The following ABLIM1 variants were observed in gnomAD, a reference collection of about 807,000 sequenced individuals.
ABLIM1 encodes actin binding LIM protein 1, also known as actin-binding LIM protein 1.
In ABLIM1, 40 loss-of-function variants were observed where a neutral mutation model predicts 107.0. The ratio of observed to expected loss-of-function variants is 0.37; its 90% confidence interval spans 0.29 to 0.49. The LOEUF is 0.49. Ranked by LOEUF, ABLIM1 falls within the 20% of genes least tolerant of loss-of-function variation. The pLI is 0.97. For synonymous variants in ABLIM1, 357 were observed against 357.3 expected (o/e 1.00, Z 0.01); for missense variants, 857 against 1,008.5 (o/e 0.85, Z 2.04).
rs551822085 is a variant in ABLIM1 at position 114,527,586 on chromosome 10, C to A, written c.894+17419G>T. On this transcript the variant is annotated intron_variant, in intron 6 of 22. Coordinates refer to ENST00000533213, the MANE Select transcript of ABLIM1 (RefSeq NM_002313.7). ...AACAGAGAGGAGGAACTGGAAGTTT[C>A]TCCAGTGATGGCACAGCCCTTTTAA... Among the ~76,000 whole-genome samples, 122 of 151,986 alleles carry A rather than the reference C, an allele frequency of 8.0e-4. 1 individual carries two copies. Among genetic ancestry groups the A allele is most frequent in the Middle Eastern group, 3.4e-3 (1 of 292 alleles).
chr10:114,535,701 A>C (rs2137118798), intron 6 of ABLIM1, among the ~76,000 whole-genome samples: 2 of 152,324 alleles, frequency 1.3e-5, no homozygotes, highest in African/African-American at 4.8e-5. Context: ...GTGTATGTGA[A>C]ATTGAGAGAT....
At chr10:114,548,094 T>C (rs191151604) in intron 4 of ABLIM1, among the ~76,000 whole-genome samples, 188 of 152,346 alleles carry the variant, frequency 1.2e-3, no homozygotes, top group Admixed American at 1.9e-3. Flanking sequence ...TATTTAATTA[T>C]AGTGTCTTGG....
chr10:114,758,773 C>A (rs2082684086), intron 1 of ABLIM1, among the ~76,000 whole-genome samples: 1 of 152,054 alleles, frequency 6.6e-6, no homozygotes, highest in Non-Finnish European at 1.5e-5. Context: ...CTGGACACAG[C>A]CTAAAGTAAA....
intron 8 of ABLIM1, among the ~76,000 whole-genome samples, chr10:114,476,324 G>T (rs567923681): frequency 6.6e-6 from 1 of 152,234 alleles, no homozygotes; most frequent in East Asian, 1.9e-4. Flanking sequence ...TGTTGAAAAA[G>T]GAAAGACTCA....
In ABLIM1 at chr10:114,432,802, AAAC is replaced by A. The variant is rs746084884; in HGVS notation, c.*3455_*3457del. On this transcript the variant is annotated 3_prime_UTR_variant, in exon 23 of 23. Coordinates refer to ENST00000533213, the MANE Select transcript of ABLIM1 (RefSeq NM_002313.7). Reference sequence around the variant, plus strand: ...TAGAAAACTACCCCCATTTAAAAAAAAACAACAACTCATTAACTCTATCTCTTT... The same window carrying A: ...TAGAAAACTACCCCCATTTAAAAAAAAACAACTCATTAACTCTATCTCTTT... 67 of 152,192 alleles carry A rather than the reference AAAC, an allele frequency of 4.4e-4. No homozygotes were observed. The highest frequency in any genetic ancestry group is 3.3e-4 in the Admixed American group (5 of 15,286). The allele number at this position is 152,192 out of a possible 1,614,324, so 9.4% of individuals were successfully genotyped here. A position where few individuals can be genotyped will look rare whatever the true frequency, so the allele number is the denominator to read the frequency against.
intron 1 of ABLIM1, among the ~76,000 whole-genome samples, chr10:114,721,993 T>C (rs217187): frequency 1.4e-4 from 21 of 152,168 alleles, no homozygotes; most frequent in Non-Finnish European, 1.0e-4. Context: ...TGTGTTTGCA[T>C]GTGTATATGT....
At chr10:114,440,819 ACT>A (rs1179285498) in intron 19 of ABLIM1, 196 bp downstream of exon 19, 1 of 691,198 alleles carries the variant, frequency 1.4e-6, no homozygotes, top group Non-Finnish European at 2.6e-6. Context: ...ATTCTCACAA[ACT>A]CACTTCTTAC....
intron 1 of ABLIM1, among the ~76,000 whole-genome samples, chr10:114,735,720 G>T (rs747043782): frequency 3.3e-5 from 5 of 152,086 alleles, no homozygotes; most frequent in African/African-American, 1.2e-4. Context: ...TGCCCCCCTC[G>T]GCCTCCCACA....
intron 1 of ABLIM1, among the ~76,000 whole-genome samples, chr10:114,650,256 A>G (rs1260612625): frequency 6.6e-6 from 1 of 152,160 alleles, no homozygotes; most frequent in African/African-American, 2.4e-5. Context: ...GTCCATCCAT[A>G]ATAATCAGCA....
intron 1 of ABLIM1, among the ~76,000 whole-genome samples, chr10:114,716,410 A>AACACAC (rs56097544): frequency 0.026 from 3,663 of 143,592 alleles, 139 homozygotes; most frequent in African/African-American, 0.078. Flanking sequence ...GGTAGAGAGA[A>AACACAC]ACACACACAC....
At chr10:114,732,604 G>A (rs2082099326) in intron 1 of ABLIM1, among the ~76,000 whole-genome samples, 1 of 151,762 alleles carries the variant, frequency 6.6e-6, no homozygotes, top group Non-Finnish European at 1.5e-5. Context: ...TTTTTCCTTG[G>A]TTGCTTGTGC....
At chr10:114,724,439 C>T (rs1295728477) in intron 1 of ABLIM1, among the ~76,000 whole-genome samples, 4 of 152,126 alleles carry the variant, frequency 2.6e-5, no homozygotes, top group Non-Finnish European at 5.9e-5. Context: ...GTAAACTCGG[C>T]CTCTCCTGTT....
intron 6 of ABLIM1, among the ~76,000 whole-genome samples, chr10:114,540,933 G>C (rs768161424): frequency 2.9e-4 from 44 of 152,188 alleles, no homozygotes; most frequent in Non-Finnish European, 7.3e-5. Context: ...TTTGGGAGAA[G>C]AGTCTTTGCA....
At chr10:114,631,761 C>T in intron 1 of ABLIM1, 3 of 857,212 alleles carry the variant, frequency 3.5e-6, no homozygotes, top group Non-Finnish European at 4.6e-6. Flanking sequence ...CGATGGAAAC[C>T]CAGACTTCAC....
rs760456579 is a variant in ABLIM1, at chr10:114,465,847, C to A, written c.1312-20G>T. The A allele has an allele frequency of 6.2e-7, 1 of 1,613,732 alleles. No individual in the cohort carries two copies. Among genetic ancestry groups the A allele is most frequent in the East Asian group, 2.2e-5 (1 of 44,868 alleles). On this transcript the variant is annotated intron_variant, in intron 11 of 22. Transcript: ENST00000533213. Reference sequence around the variant, plus strand: ...GTACCCCTGGAAACAAAGTTCAACACATTCAGGCTATCACCATGCCTCAGT... The same window carrying A: ...GTACCCCTGGAAACAAAGTTCAACAAATTCAGGCTATCACCATGCCTCAGT...
intron 1 of ABLIM1, among the ~76,000 whole-genome samples, chr10:114,617,260 T>C (rs2077182325): frequency 6.7e-6 from 1 of 148,412 alleles, no homozygotes; most frequent in African/African-American, 2.5e-5. Context: ...TACCTACTTT[T>C]TTTTTTTTTT....
chr10:114,685,466 G>C (rs2080909475), upstream of ABLIM1, among the ~76,000 whole-genome samples: 1 of 152,184 alleles, frequency 6.6e-6, no homozygotes, highest in African/African-American at 2.4e-5. Flanking sequence ...ATTAATTGAA[G>C]AGTCCTGGCT....
chr10:114,682,921 T>C (rs1184225416), intron 1 of ABLIM1, among the ~76,000 whole-genome samples: 1 of 152,212 alleles, frequency 6.6e-6, no homozygotes, highest in Admixed American at 6.5e-5. Flanking sequence ...ATCCACTCTT[T>C]GTACAGTACA....
At chr10:114,703,101 T>G (rs1156706429) in intron 1 of ABLIM1, among the ~76,000 whole-genome samples, 1 of 152,162 alleles carries the variant, frequency 6.6e-6, no homozygotes, top group Non-Finnish European at 1.5e-5. Context: ...TGAATGAAAC[T>G]TAATAGTTTT....
Sources: allele counts gnomAD v4.1 joint callset (sites outside exome capture counted in the v4.1 genomes callset), GRCh38; gene constraint gnomAD v4.1.1; transcripts MANE v1.5; gene names NCBI Gene and HGNC (gene_info 2026-07-23, HGNC 2026-07-21).